Variants in DCDC2C observed in about 807,000 individuals in gnomAD.
DCDC2C encodes doublecortin domain-containing protein 2C.
Under a neutral mutation model 45.0 loss-of-function variants are expected in DCDC2C, and 44 were observed. The ratio of observed to expected loss-of-function variants is 0.98; its 90% CI spans 0.77 to 1.26. The LOEUF (loss-of-function observed/expected upper bound fraction) is 1.26, where lower values mean the gene tolerates loss of function less well. Among genes scored for constraint, DCDC2C ranks in the 50% most tolerant of loss-of-function variants. The pLI is 0.00. For missense variants in DCDC2C, 447 were observed against 468.9 expected (o/e 0.95, Z 0.43); for synonymous variants, 187 against 178.8 (o/e 1.05, Z -0.37).
intron 3 of DCDC2C, among the ~76,000 whole-genome samples, chr2:3,739,412 C>A (rs750768322): frequency 1.3e-5 from 2 of 152,094 alleles, no homozygotes; most frequent in Non-Finnish European, 2.9e-5. Context: ...ACGCCCCCAT[C>A]CTGTGCCTAT....
chr2:3,843,448 C>G (rs1407972933), intron 10 of DCDC2C, among the ~76,000 whole-genome samples: 1 of 152,228 alleles, frequency 6.6e-6, no homozygotes, highest in African/African-American at 2.4e-5. Context: ...AGGCTTCTCG[C>G]TGAAGACCTC....
intron 10 of DCDC2C, among the ~76,000 whole-genome samples, chr2:3,823,404 G>A (rs1671740099): frequency 6.6e-6 from 1 of 152,120 alleles, no homozygotes; most frequent in South Asian, 2.1e-4. Context: ...GGTTTATCCT[G>A]AGTAATGTTC....
At chr2:3,771,569 G>A (rs954313301) in intron 8 of DCDC2C, among the ~76,000 whole-genome samples, 12 of 152,178 alleles carry the variant, frequency 7.9e-5, no homozygotes, top group African/African-American at 1.9e-4. Context: ...ATTTCCCCAC[G>A]AACCTTTTCT....
chr2:3,836,155 A>G (rs990176473), intron 10 of DCDC2C, among the ~76,000 whole-genome samples: 4 of 152,200 alleles, frequency 2.6e-5, no homozygotes, highest in African/African-American at 9.7e-5. Context: ...GTGATGAAGT[A>G]ATGTAGATGT....
chr2:3,727,146 T>C, intron 3 of DCDC2C, 67 bp downstream of exon 3: 1 of 1,306,356 alleles, frequency 7.7e-7, no homozygotes, highest in Non-Finnish European at 1.1e-6. Context: ...ATACTTTCTA[T>C]CCTGACAAAT....
intron 3 of DCDC2C, among the ~76,000 whole-genome samples, chr2:3,730,306 G>A (rs1312702663): frequency 1.3e-5 from 2 of 152,020 alleles, no homozygotes; most frequent in Non-Finnish European, 2.9e-5. Context: ...TAAAGAAACC[G>A]AGTCCCTTAA....
chr2:3,716,545 C>G (rs1668355333), intron 2 of DCDC2C, among the ~76,000 whole-genome samples: 1 of 151,954 alleles, frequency 6.6e-6, no homozygotes, highest in Non-Finnish European at 1.5e-5. Flanking sequence ...GAGTTTTGCT[C>G]TAAAGGAAGG....
chr2:3,772,603 G>T (rs12463627), intron 8 of DCDC2C, among the ~76,000 whole-genome samples: 2 of 152,142 alleles, frequency 1.3e-5, no homozygotes, highest in African/African-American at 4.8e-5. Context: ...CATTGGGGGC[G>T]CTGGGTGTTG....
rs145589484 is a variant in DCDC2C, at chr2:3,717,759, G to A, written c.339+9159G>A. On this transcript the variant is annotated intron_variant, in intron 2 of 10. Transcript: ENST00000399143. Reference sequence around the variant, plus strand: ...TTCTTCTCCAGTCTTGCCTCTCACCGCTCCTCCCTCTGTGTCTAGGATCCA... The same window carrying A: ...TTCTTCTCCAGTCTTGCCTCTCACCACTCCTCCCTCTGTGTCTAGGATCCA... Among the ~76,000 whole-genome samples, 12 of 152,182 alleles carry A rather than the reference G, an allele frequency of 7.9e-5. No individual in the cohort carries two copies. The East Asian group carries it at 1.9e-3, about 25-fold the overall frequency.
intron 6 of DCDC2C, 102 bp downstream of exon 6, chr2:3,754,736 G>A: frequency 2.0e-6 from 2 of 985,398 alleles, no homozygotes; most frequent in South Asian, 3.2e-5. Context: ...GCTGTAAACA[G>A]AGCATCAGTG....
At chr2:3,739,495 A>G (rs1400021677) in intron 3 of DCDC2C, among the ~76,000 whole-genome samples, 1 of 152,220 alleles carries the variant, frequency 6.6e-6, no homozygotes, top group Admixed American at 6.5e-5. Flanking sequence ...GCGGAGGAAC[A>G]CACAAGTGGC....
At chr2:3,803,231 TATCTA>T (rs1346923146) in intron 10 of DCDC2C, among the ~76,000 whole-genome samples, 2 of 152,234 alleles carry the variant, frequency 1.3e-5, no homozygotes, top group African/African-American at 4.8e-5. Flanking sequence ...ATGATTTCAT[TATCTA>T]CTCTATCCTT....
In DCDC2C at chr2:3,787,643, G is replaced by A. The variant is rs112660074; in HGVS notation, c.1065+2543G>A. Among the ~76,000 whole-genome samples the A allele has an allele frequency of 9.7e-3, 1,471 of 152,206 alleles. 18 individuals carry two copies. The highest frequency in any genetic ancestry group is 0.034 in the African/African-American group (1,406 of 41,540). The stretch of plus-strand genomic sequence containing the variant: ...CTAGTTTTAAAATTAAGAATACTTT[G>A]TTAAACTATAAACAATTTATGTTGG... On this transcript the variant is annotated intron_variant, in intron 10 of 10. Transcript: ENST00000399143.
At chr2:3,804,352 A>C (rs1005312059) in intron 10 of DCDC2C, among the ~76,000 whole-genome samples, 3 of 152,182 alleles carry the variant, frequency 2.0e-5, no homozygotes, top group Admixed American at 1.3e-4. Flanking sequence ...TGTATTGAAG[A>C]ACTATTTTCT....
At chr2:3,737,417 G>A (rs538835317) in intron 3 of DCDC2C, among the ~76,000 whole-genome samples, 41 of 152,284 alleles carry the variant, frequency 2.7e-4, no homozygotes, top group African/African-American at 9.4e-4. Context: ...CAACTGCAGT[G>A]GGTCATGGCT....
chr2:3,821,528 C>T (rs1338086080), intron 10 of DCDC2C, among the ~76,000 whole-genome samples: 3 of 152,090 alleles, frequency 2.0e-5, no homozygotes, highest in Non-Finnish European at 4.4e-5. Flanking sequence ...TTTATAGATG[C>T]CATTTATTAG....
chr2:3,779,359 C>T lies in DCDC2C; in HGVS notation c.1023+475C>T, dbSNP rs1040721545. Among the ~76,000 whole-genome samples the T allele has an allele frequency of 4.6e-5, 7 of 152,166 alleles. No homozygotes were observed. The East Asian group carries it at 9.6e-4, about 21-fold the overall frequency. On this transcript the variant is annotated intron_variant, in intron 9 of 10. Coordinates refer to ENST00000399143, the MANE Select transcript of DCDC2C (RefSeq NM_001287444.2). Reference sequence around the variant, plus strand: ...GTGTGCAGATGGCAGTGGAAGCCAGCGCAGGACGCTTGGCAGTGTGGGTTC... The same window carrying T: ...GTGTGCAGATGGCAGTGGAAGCCAGTGCAGGACGCTTGGCAGTGTGGGTTC...
At chr2:3,756,309 A>G (rs1347020871) in intron 6 of DCDC2C, among the ~76,000 whole-genome samples, 2 of 152,108 alleles carry the variant, frequency 1.3e-5, no homozygotes, top group African/African-American at 4.8e-5. Flanking sequence ...TGACAAAGCT[A>G]TTGAACACGT....
chr2:3,746,978 G>A (rs1669383237), intron 4 of DCDC2C, among the ~76,000 whole-genome samples: 1 of 152,118 alleles, frequency 6.6e-6, no homozygotes, highest in South Asian at 2.1e-4. Flanking sequence ...GGTGTGAGAG[G>A]GCCCTGAGGG....
Sources: allele counts gnomAD v4.1 joint callset (sites outside exome capture counted in the v4.1 genomes callset), GRCh38; gene constraint gnomAD v4.1.1; transcripts MANE v1.5; gene names NCBI Gene and HGNC (gene_info 2026-07-23, HGNC 2026-07-21).